OSBPL3: variants seen among roughly 807,000 people sequenced by gnomAD.
The protein encoded by OSBPL3 is oxysterol binding protein like 3.
A neutral mutation model predicts 120.1 loss-of-function variants in OSBPL3; 65 were observed. That is an observed-to-expected ratio of 0.54 (90% CI 0.44 to 0.67). The LOEUF (loss-of-function observed/expected upper bound fraction) is 0.67, where lower values mean the gene tolerates loss of function less well. Ranked by LOEUF, OSBPL3 falls within the 30% of genes least tolerant of loss-of-function variation. The pLI is 0.00. For missense variants in OSBPL3, 1,004 were observed against 1,082.1 expected (o/e 0.93, Z 1.01); for synonymous variants, 416 against 402.6 (o/e 1.03, Z -0.40).
chr7:24,929,238 G>A (rs192349433), intron 1 of OSBPL3, among the ~76,000 whole-genome samples: 106 of 152,262 alleles, frequency 7.0e-4, no homozygotes, highest in African/African-American at 2.2e-3. Flanking sequence ...AATCTGTTTC[G>A]TTCAGTGTGT....
In OSBPL3 at chr7:24,873,776, A is replaced by T. The variant is rs1802488658; in HGVS notation, c.97-1707T>A. On this transcript the variant is annotated intron_variant, in intron 2 of 22. Coordinates refer to ENST00000313367, the MANE Select transcript of OSBPL3 (RefSeq NM_015550.4). The surrounding 1 kb of genome is among the most constrained non-coding windows in gnomAD (Gnocchi z 4.1). ...AACTTACTTGAATTTATTTTAGCTC[A>T]GAAAGCCATTCCACAAAATTTAACA... 6.6e-6 allele frequency among the ~76,000 whole-genome samples: 1 copy of T among 152,200 alleles called. No homozygotes were observed. Among genetic ancestry groups the T allele is most frequent in the Non-Finnish European group, 1.5e-5 (1 of 68,036 alleles).
Position 24,806,374 on chromosome 7 carries a change from C to T in OSBPL3, c.2444+402G>A, listed in dbSNP as rs1793038703. On this transcript the variant is annotated intron_variant, in intron 21 of 22. Coordinates refer to ENST00000313367, the MANE Select transcript of OSBPL3 (RefSeq NM_015550.4). The surrounding 1 kb of genome is among the most constrained non-coding windows in gnomAD (Gnocchi z 5.2). ...GGCCAGGAAAGATGAAAAGACCTAC[C>T]ATATATCACACACCTTGTGAGCAGC... Among the ~76,000 whole-genome samples, 1 of 152,126 alleles carries T rather than the reference C, an allele frequency of 6.6e-6. No individual in the cohort carries two copies. Among genetic ancestry groups the T allele is most frequent in the Non-Finnish European group, 1.5e-5 (1 of 68,028 alleles).
intron 12 of OSBPL3, among the ~76,000 whole-genome samples, chr7:24,847,996 A>G (rs1798648806): frequency 1.3e-5 from 2 of 152,240 alleles, no homozygotes; most frequent in African/African-American, 2.4e-5. Flanking sequence ...CCTCAGAAGT[A>G]GTAAGAGACC....
Position 24,834,602 on chromosome 7 carries a change from C to T in OSBPL3, c.1630G>A (p.Ala544Thr), listed in dbSNP as rs745318040. 6.2e-7 allele frequency: 1 copy of T among 1,614,198 alleles called. No homozygotes were observed. The highest frequency in any genetic ancestry group is 8.5e-7 in the Non-Finnish European group (1 of 1,180,026). Residue 544 changes from alanine (A) to threonine (T), a missense_variant, in exon 15 of 23, where the codon GCC (alanine) becomes ACC (threonine). Ala to Thr is a moderately conservative substitution (Grantham distance 58). Transcript: ENST00000313367. The surrounding 1 kb of genome is among the most constrained non-coding windows in gnomAD (Gnocchi z 5.2). Reference protein sequence around the residue: ...NNIGKDLSKVAMPVELNEPLN... With the variant: ...NNIGKDLSKVTMPVELNEPLN... The stretch of plus-strand genomic sequence containing the variant: ...GGCTCGTTCAGCTCCACCGGCATGG[C>T]CACCTTGGACAGGTCCTTCCCGATG...
At position 24,813,081 on chromosome 7, in the gene OSBPL3, A is replaced by C. The variant is rs1229049737; in HGVS notation, c.2172+1978T>G. Among the ~76,000 whole-genome samples the C allele has an allele frequency of 6.6e-6, 1 of 152,050 alleles. No individual in the cohort carries two copies. The highest frequency in any genetic ancestry group is 1.5e-5 in the Non-Finnish European group (1 of 68,006). On this transcript the variant is annotated intron_variant, in intron 19 of 22. Transcript: ENST00000313367. The surrounding 1 kb of genome is among the most constrained non-coding windows in gnomAD (Gnocchi z 4.5). ...TGTTGTAGAGATAGGGTCTTGTCAGATTGCCCAGGCTGGTCTCAAATTTCA... is the reference window on the plus strand; with the variant it reads ...TGTTGTAGAGATAGGGTCTTGTCAGCTTGCCCAGGCTGGTCTCAAATTTCA...
At chr7:24,943,083 G>A (rs1813284741) in intron 1 of OSBPL3, among the ~76,000 whole-genome samples, 1 of 152,206 alleles carries the variant, frequency 6.6e-6, no homozygotes, top group African/African-American at 2.4e-5. Flanking sequence ...GAAATGCCCA[G>A]GTAAAATGGA....
Position 24,831,057 on chromosome 7 carries a change from G to A in OSBPL3, c.1747-152C>T. The A allele has an allele frequency of 1.4e-6, 1 of 733,736 alleles. No individual in the cohort carries two copies. The highest frequency in any genetic ancestry group is 3.0e-5 in the East Asian group (1 of 33,056). The allele number at this position is 733,736 out of a possible 1,614,324, so 45.5% of individuals were successfully genotyped here. On this transcript the variant is annotated intron_variant, in intron 15 of 22. Coordinates refer to ENST00000313367, the MANE Select transcript of OSBPL3 (RefSeq NM_015550.4). This position sits in a 1 kb window ranked among gnomAD's most constrained non-coding sequence, Gnocchi z 4.0. ...TTTTAAACAACATAGGTTTAAAATT[G>A]TAGGTTTAAATAATGTTTATCTGGG...
At position 24,835,669 on chromosome 7, in the gene OSBPL3, C is replaced by T. The variant is rs888839725; in HGVS notation, c.1496-933G>A. Among the ~76,000 whole-genome samples, 1 of 152,050 alleles carries T rather than the reference C, an allele frequency of 6.6e-6. No homozygotes were observed. Among genetic ancestry groups the T allele is most frequent in the East Asian group, 1.9e-4 (1 of 5,194 alleles). On this transcript the variant is annotated intron_variant, in intron 14 of 22. Transcript: ENST00000313367. The surrounding 1 kb of genome is among the most constrained non-coding windows in gnomAD (Gnocchi z 4.8). ...CAAAGACATGGAATCAATTTAAATG[C>T]CCATCAACAGTAGACTAGATAAAGA...
chr7:24,920,012 G>A (rs1010113630), intron 1 of OSBPL3, among the ~76,000 whole-genome samples: 4 of 151,992 alleles, frequency 2.6e-5, no homozygotes, highest in African/African-American at 9.7e-5. Context: ...AATAACAAGT[G>A]TTATCAAGGA....
chr7:24,814,486 T>C (rs1199461509), intron 19 of OSBPL3, among the ~76,000 whole-genome samples: 3 of 151,690 alleles, frequency 2.0e-5, no homozygotes, highest in East Asian at 3.9e-4. Flanking sequence ...TGGTAAACCA[T>C]ACCTAATGTA....
rs185071084 is a variant in OSBPL3, at chr7:24,883,722, G to A, written c.96+8655C>T. ...AAGTGTTTTAAGATTTCAGTTTCTC[G>A]TGATCTTCAGAGTGTGGAATGCAGC... On this transcript the variant is annotated intron_variant, in intron 2 of 22. Transcript: ENST00000313367. The surrounding 1 kb of genome is among the most constrained non-coding windows in gnomAD (Gnocchi z 5.4). Among the ~76,000 whole-genome samples the A allele has an allele frequency of 3.9e-4, 59 of 152,282 alleles. No individual in the cohort carries two copies. The highest frequency in any genetic ancestry group is 6.5e-4 in the Non-Finnish European group (44 of 68,032).
At chr7:24,814,936 A>C in intron 19 of OSBPL3, 123 bp downstream of exon 19, 1 of 856,924 alleles carries the variant, frequency 1.2e-6, no homozygotes, top group Non-Finnish European at 1.9e-6. Flanking sequence ...CAAGGAGCTC[A>C]GGCATTGCTT....
chr7:24,876,953 T>C (rs777370717), intron 2 of OSBPL3, among the ~76,000 whole-genome samples: 3 of 152,170 alleles, frequency 2.0e-5, no homozygotes, highest in Non-Finnish European at 1.5e-5. Flanking sequence ...CTAAATACCA[T>C]ACTTACATGA....
At chr7:24,870,868 A>T in intron 4 of OSBPL3, 23 bp from the exon 5 acceptor site, 1 of 1,453,620 alleles carries the variant, frequency 6.9e-7, no homozygotes, top group Non-Finnish European at 9.7e-7. Context: ...CAAGAGGGTC[A>T]CTTGGGGACC....
Position 24,918,091 on chromosome 7 carries a change from GGTGCTGTTTCTCA to G in OSBPL3, c.-149-25483_-149-25471del. The stretch of plus-strand genomic sequence containing the variant: ...CTCGACGCACATAATGACAAGCACA[GGTGCTGTTTCTCA>G]GTGTGTATCAGGCTCACAGCAGCCA... On this transcript the variant is annotated intron_variant, in intron 1 of 22. Coordinates refer to ENST00000313367, the MANE Select transcript of OSBPL3 (RefSeq NM_015550.4). The surrounding 1 kb of genome is among the most constrained non-coding windows in gnomAD (Gnocchi z 4.3). The G allele has an allele frequency of 1.0e-6, 1 of 984,894 alleles. No homozygotes were observed. Among genetic ancestry groups the G allele is most frequent in the Non-Finnish European group, 1.2e-6 (1 of 829,482 alleles). The allele number at this position is 984,894 out of a possible 1,614,324, so 61.0% of individuals were successfully genotyped here.
In OSBPL3 at chr7:24,830,662, G is replaced by T; in HGVS notation, c.1884+106C>A. On this transcript the variant is annotated intron_variant, in intron 16 of 22. Transcript: ENST00000313367. This position sits in a 1 kb window ranked among gnomAD's most constrained non-coding sequence, Gnocchi z 4.4. ...TGTTGAAAAGCACTGTAATTATCTC[G>T]GCTGCTTTGAAGCCAGTGAAAGGTG... 1.8e-6 allele frequency: 2 copies of T among 1,101,118 alleles called. No homozygotes were observed. Among genetic ancestry groups the T allele is most frequent in the Non-Finnish European group, 2.6e-6 (2 of 768,038 alleles). 68.2% of individuals were successfully genotyped at this position (1,101,118 alleles called of 1,614,324 possible).
intron 22 of OSBPL3, 123 bp from the exon 23 acceptor site, chr7:24,800,402 G>T: frequency 3.7e-6 from 2 of 543,210 alleles, no homozygotes; most frequent in Non-Finnish European, 6.7e-6. Flanking sequence ...GCGTCCCAGA[G>T]TGTTGGGACC....
rs776985875 is a variant in OSBPL3 at position 24,892,359 on chromosome 7, G to T, written c.96+18C>A. 3.1e-6 allele frequency: 5 copies of T among 1,608,252 alleles called. No individual in the cohort carries two copies. In the East Asian group the frequency reaches 8.9e-5, roughly 29 times the overall value. On this transcript the variant is annotated intron_variant, in intron 2 of 22. Transcript: ENST00000313367. The stretch of plus-strand genomic sequence containing the variant: ...GGCTTACATTTGCATATTAAAATTT[G>T]CATGAGTTAAACTTTACCTGTCGAC...
rs1810010565 is a variant in OSBPL3 at position 24,918,605 on chromosome 7, T to G, written c.-149-25984A>C. Reference sequence around the variant, plus strand: ...TTAACTTTATATTTACCCAAGCAAATAAGAAAATGGGATCAACATTTAGTA... The same window carrying G: ...TTAACTTTATATTTACCCAAGCAAAGAAGAAAATGGGATCAACATTTAGTA... On this transcript the variant is annotated intron_variant, in intron 1 of 22. Coordinates refer to ENST00000313367, the MANE Select transcript of OSBPL3 (RefSeq NM_015550.4). The surrounding 1 kb of genome is among the most constrained non-coding windows in gnomAD (Gnocchi z 4.3). Among the ~76,000 whole-genome samples, 1 of 152,108 alleles carries G rather than the reference T, an allele frequency of 6.6e-6. No homozygotes were observed. Among genetic ancestry groups the G allele is most frequent in the Admixed American group, 6.6e-5 (1 of 15,266 alleles).
Sources: allele counts gnomAD v4.1 joint callset (sites outside exome capture counted in the v4.1 genomes callset), GRCh38; gene constraint gnomAD v4.1.1; non-coding constraint Gnocchi (gnomAD v3.1); transcripts MANE v1.5; gene names NCBI Gene and HGNC (gene_info 2026-07-23, HGNC 2026-07-21).